The following THSD7A variants were observed in gnomAD, a reference collection of about 807,000 sequenced individuals.
THSD7A encodes thrombospondin type-1 domain-containing protein 7A.
In THSD7A, 96 loss-of-function variants were observed where a neutral mutation model predicts 231.3. The ratio of observed to expected loss-of-function variants is 0.41; its 90% CI spans 0.35 to 0.49. The LOEUF is 0.49. THSD7A is among the 20% of genes least tolerant of loss of function. The pLI, the probability that THSD7A is intolerant of heterozygous loss-of-function variation, is 0.05. For missense variants in THSD7A, 2,290 were observed against 2,070.2 expected (o/e 1.11, Z -2.06); for synonymous variants, 940 against 743.3 (o/e 1.26, Z -4.30).
At chr7:11,421,765 C>T (rs1407539761) in intron 16 of THSD7A, among the ~76,000 whole-genome samples, 3 of 152,122 alleles carry the variant, frequency 2.0e-5, no homozygotes, top group Non-Finnish European at 2.9e-5. Context: ...TGAACATCTT[C>T]CTGTCATTAA....
chr7:11,426,648 A>T lies in THSD7A; in HGVS notation c.3249+18T>A. 1 of 1,549,774 alleles carries T rather than the reference A, an allele frequency of 6.5e-7. No individual in the cohort carries two copies. Among genetic ancestry groups the T allele is most frequent in the South Asian group, 1.2e-5 (1 of 82,456 alleles). ...AAGAAGGATTCTATCAAAAAGCATG[A>T]GGTTTAAGAGTTCTTACCTGTGCCT... On this transcript the variant is annotated intron_variant, in intron 15 of 27. Coordinates refer to ENST00000423059, the MANE Select transcript of THSD7A (RefSeq NM_015204.3).
chr7:11,590,414 C>A lies in THSD7A; in HGVS notation c.1453+46G>T. 6.4e-7 allele frequency: 1 copy of A among 1,565,636 alleles called. No individual in the cohort carries two copies. The highest frequency in any genetic ancestry group is 1.2e-5 in the South Asian group (1 of 82,082). ...TATCCCTTCAGAGCAATCACATGCTCAGTCAGTCTTCATAAGTGAATCCTT... is the reference window on the plus strand; with the variant it reads ...TATCCCTTCAGAGCAATCACATGCTAAGTCAGTCTTCATAAGTGAATCCTT... On this transcript the variant is annotated intron_variant, in intron 4 of 27. Transcript: ENST00000423059. This position sits in a 1 kb window ranked among gnomAD's most constrained non-coding sequence, Gnocchi z 4.4.
intron 1 of THSD7A, among the ~76,000 whole-genome samples, chr7:11,802,547 CA>C (rs1784305059): frequency 6.6e-6 from 1 of 152,044 alleles, no homozygotes; most frequent in South Asian, 2.1e-4. Flanking sequence ...GAATAAATAA[CA>C]GAGAAGGATA....
rs895632882 is a variant in THSD7A, at chr7:11,777,409, T to A, written c.190+54348A>T. Among the ~76,000 whole-genome samples, 349 of 137,468 alleles carry A rather than the reference T, an allele frequency of 2.5e-3. 1 individual carries two copies. Among genetic ancestry groups the A allele is most frequent in the African/African-American group, 9.5e-3 (338 of 35,516 alleles). The allele number at this position is 137,468 out of a possible 152,430, so 90.2% of individuals were successfully genotyped here. ...AAAAAAACTATGTTTCAGATGTAAA[T>A]TAAGTACACACACACACACACACAC... On this transcript the variant is annotated intron_variant, in intron 1 of 27. Coordinates refer to ENST00000423059, the MANE Select transcript of THSD7A (RefSeq NM_015204.3).
At position 11,811,250 on chromosome 7, in the gene THSD7A, G is replaced by A. The variant is rs546688306; in HGVS notation, c.190+20507C>T. On this transcript the variant is annotated intron_variant, in intron 1 of 27. Transcript: ENST00000423059. ...AGCACACACACACACACGAAACAATGCCATGCACTGTACACAAGTTATGTA... is the reference window on the plus strand; with the variant it reads ...AGCACACACACACACACGAAACAATACCATGCACTGTACACAAGTTATGTA... Among the ~76,000 whole-genome samples the A allele has an allele frequency of 1.9e-3, 286 of 152,128 alleles. 1 individual carries two copies. Among genetic ancestry groups the A allele is most frequent in the Non-Finnish European group, 2.3e-3 (153 of 67,988 alleles).
intron 4 of THSD7A, among the ~76,000 whole-genome samples, chr7:11,556,537 GTATT>G (rs1789854093): frequency 6.6e-6 from 1 of 151,796 alleles, no homozygotes; most frequent in Non-Finnish European, 1.5e-5. Flanking sequence ...AAAGCCTATT[GTATT>G]TAGCTATACT....
intron 8 of THSD7A, among the ~76,000 whole-genome samples, chr7:11,472,331 A>G (rs548111056): frequency 8.2e-4 from 125 of 152,272 alleles, no homozygotes; most frequent in African/African-American, 2.7e-3. Context: ...GATAAGATCA[A>G]TAACATTGAT....
intron 24 of THSD7A, among the ~76,000 whole-genome samples, chr7:11,381,311 T>C (rs568072809): frequency 1.3e-5 from 2 of 152,252 alleles, no homozygotes; most frequent in African/African-American, 2.4e-5. Flanking sequence ...GGAGTTGTTA[T>C]TATTAAGGGT....
intron 5 of THSD7A, among the ~76,000 whole-genome samples, chr7:11,541,955 T>G (rs74631757): frequency 5.9e-4 from 84 of 142,584 alleles, no homozygotes; most frequent in African/African-American, 1.9e-3. Context: ...GAGAGAGAGA[T>G]AAATTTTGGT....
intron 1 of THSD7A, among the ~76,000 whole-genome samples, chr7:11,794,488 C>A (rs60510202): frequency 0.2 from 30,897 of 151,784 alleles, 3,388 homozygotes; most frequent in African/African-American, 0.28. Context: ...TTCTACACAT[C>A]GACTTCCTTC....
intron 1 of THSD7A, among the ~76,000 whole-genome samples, chr7:11,656,428 A>T (rs1782708806): frequency 6.6e-6 from 1 of 151,854 alleles, no homozygotes; most frequent in Admixed American, 6.6e-5. Flanking sequence ...CTCACAGTTC[A>T]CAGATGGTCT....
Position 11,593,455 on chromosome 7 carries a change from A to G in THSD7A, c.1070T>C (p.Ile357Thr), listed in dbSNP as rs1426609688. The change falls in exon 3 of 28, where the codon ATC (isoleucine) becomes ACC (threonine). Residue 357 changes from isoleucine to threonine, a missense_variant. Physicochemically the swap from Ile to Thr is moderately conservative, Grantham distance 89. Coordinates refer to ENST00000423059, the MANE Select transcript of THSD7A (RefSeq NM_015204.3). The stretch of plus-strand genomic sequence containing the variant: ...CTCGGAAACCTGGCACTCTTTGGTG[A>G]TCACACAGGACTGGAAGGTCATTGG... ...KLPMTFQSCV[I>T]TKECQVSEWS... 1 of 1,613,884 alleles carries G rather than the reference A, an allele frequency of 6.2e-7. No individual in the cohort carries two copies. The highest frequency in any genetic ancestry group is 8.5e-7 in the Non-Finnish European group (1 of 1,179,892).
chr7:11,793,824 T>A (rs975447867), intron 1 of THSD7A, among the ~76,000 whole-genome samples: 1 of 151,934 alleles, frequency 6.6e-6, no homozygotes, highest in Non-Finnish European at 1.5e-5. Flanking sequence ...GGACTTCCAA[T>A]GTGGGTGTTT....
chr7:11,523,609 A>G (rs1788355708), intron 6 of THSD7A, among the ~76,000 whole-genome samples: 2 of 152,142 alleles, frequency 1.3e-5, no homozygotes, highest in South Asian at 4.1e-4. Flanking sequence ...AGTTAATAAT[A>G]GAGAAGGAAG....
intron 1 of THSD7A, among the ~76,000 whole-genome samples, chr7:11,667,026 GA>G (rs1783162454): frequency 6.6e-6 from 1 of 151,946 alleles, no homozygotes; most frequent in Non-Finnish European, 1.5e-5. Context: ...TTTATTCACT[GA>G]ACTTAAAACA....
chr7:11,758,495 G>T (rs1368906129), intron 1 of THSD7A, among the ~76,000 whole-genome samples: 1 of 152,022 alleles, frequency 6.6e-6, no homozygotes, highest in Non-Finnish European at 1.5e-5. Flanking sequence ...GGCTGGTGCA[G>T]GGTTTGGCTG....
intron 4 of THSD7A, 114 bp from the exon 5 acceptor site, chr7:11,543,231 G>T: frequency 1.2e-6 from 1 of 854,364 alleles, no homozygotes; most frequent in Non-Finnish European, 1.8e-6. Flanking sequence ...GTGCTACCAA[G>T]ACATTATTCC....
chr7:11,486,920 A>G (rs766290945), intron 6 of THSD7A, among the ~76,000 whole-genome samples: 2 of 152,198 alleles, frequency 1.3e-5, no homozygotes, highest in Non-Finnish European at 2.9e-5. Flanking sequence ...TGAAGCATAT[A>G]CTATTTAAAC....
intron 23 of THSD7A, among the ~76,000 whole-genome samples, chr7:11,394,061 T>C (rs1332835275): frequency 6.6e-6 from 1 of 152,046 alleles, no homozygotes; most frequent in African/African-American, 2.4e-5. Flanking sequence ...AGACACATAA[T>C]CATCCGATTC....
Sources: gnomAD v4.1 joint callset for allele counts (sites outside exome capture counted in the v4.1 genomes callset) on GRCh38, gnomAD v4.1.1 for gene constraint, Gnocchi (gnomAD v3.1) non-coding constraint, MANE v1.5 for transcripts, NCBI Gene and HGNC (gene_info 2026-07-23, HGNC 2026-07-21) for gene names.